Variants in POU2AF1 observed in about 807,000 individuals in gnomAD.
POU2AF1 encodes POU domain class 2-associating factor 1.
Under a neutral mutation model 26.3 loss-of-function variants are expected in POU2AF1, and 12 were observed. That is an observed-to-expected ratio of 0.46 (90% CI 0.29 to 0.74). POU2AF1 has a LOEUF of 0.74. POU2AF1 is among the 30% of genes least tolerant of loss of function. The pLI is 0.09. For missense variants in POU2AF1, 297 were observed against 334.5 expected, an observed-to-expected ratio of 0.89 and a Z score of 0.87; for synonymous variants, 175 against 148.0, an observed-to-expected ratio of 1.18 and a Z score of -1.32.
At chr11:111,358,074 G>C (rs1368126865) in intron 2 of POU2AF1, among the ~76,000 whole-genome samples, 2 of 152,000 alleles carry the variant, frequency 1.3e-5, no homozygotes, top group Non-Finnish European at 2.9e-5. Flanking sequence ...TTCTCAGGGG[G>C]GGCCCCCAAC....
intron 1 of POU2AF1, chr11:111,359,169 C>T (rs1243339243): frequency 3.3e-6 from 2 of 610,334 alleles, no homozygotes; most frequent in Middle Eastern, 4.5e-4. Flanking sequence ...AGAATGAGAT[C>T]CGAACCCATT....
intron 2 of POU2AF1, among the ~76,000 whole-genome samples, chr11:111,358,068 CA>C (rs753190042): frequency 6.6e-5 from 10 of 152,170 alleles, no homozygotes; most frequent in South Asian, 2.1e-4. Context: ...TTCTTCTTCT[CA>C]GGGGGGGCCC....
intron 1 of POU2AF1, among the ~76,000 whole-genome samples, chr11:111,362,748 G>A (rs1276424868): frequency 6.7e-6 from 1 of 149,852 alleles, no homozygotes; most frequent in Admixed American, 6.7e-5. Context: ...AGAGAAATTT[G>A]GGAAATGGGG....
chr11:111,375,961 A>G (rs1861303306), intron 1 of POU2AF1, among the ~76,000 whole-genome samples: 1 of 152,242 alleles, frequency 6.6e-6, no homozygotes, highest in South Asian at 2.1e-4. Flanking sequence ...TAGTTTGCAG[A>G]CCACTATTTT....
chr11:111,367,765 C>T (rs981180121), intron 1 of POU2AF1, among the ~76,000 whole-genome samples: 6 of 152,212 alleles, frequency 3.9e-5, no homozygotes, highest in Admixed American at 2.0e-4. Context: ...GATCTGTCCA[C>T]GAGAACCTTG....
chr11:111,356,517 C>G (rs769828766), intron 4 of POU2AF1, among the ~76,000 whole-genome samples: 1 of 152,238 alleles, frequency 6.6e-6, no homozygotes, highest in Admixed American at 6.5e-5. Flanking sequence ...AGGCCCAGCT[C>G]TACTTCCCAC....
At chr11:111,367,171 T>C (rs1861121754) in intron 1 of POU2AF1, among the ~76,000 whole-genome samples, 1 of 152,084 alleles carries the variant, frequency 6.6e-6, no homozygotes, top group South Asian at 2.1e-4. Flanking sequence ...CTCCGCACCT[T>C]CCACACCACA....
At chr11:111,372,063 C>CAGAGAGAG (rs1403903602) in intron 1 of POU2AF1, among the ~76,000 whole-genome samples, 4 of 144,750 alleles carry the variant, frequency 2.8e-5, no homozygotes, top group African/African-American at 1.1e-4. Flanking sequence ...CACACACACA[C>CAGAGAGAG]ACACACAGAG....
chr11:111,375,466 G>A (rs1171355193), intron 1 of POU2AF1, among the ~76,000 whole-genome samples: 1 of 122,304 alleles, frequency 8.2e-6, no homozygotes, highest in Non-Finnish European at 1.6e-5. Flanking sequence ...GCACGATCTC[G>A]GCTCACTGTA....
chr11:111,354,340 G>T lies in POU2AF1; in HGVS notation c.692C>A (p.Thr231Asn). The change falls in exon 5 of 5, where the codon ACC (threonine) becomes AAC (asparagine). Residue 231 changes from threonine to asparagine, a missense_variant. Physicochemically the swap from Thr to Asn is moderately conservative, Grantham distance 65. Coordinates refer to ENST00000393067, the MANE Select transcript of POU2AF1 (RefSeq NM_006235.3). ...EDPRRAASSL[T>N]IDKLLLEEED... The stretch of plus-strand genomic sequence containing the variant: ...TTCCTCCAAAAGCAGCTTGTCGATG[G>T]TCAACGAGCTGGCGGCTCTTCTGGG... 6.2e-7 allele frequency: 1 copy of T among 1,614,236 alleles called. No individual in the cohort carries two copies.
At chr11:111,358,442 TCA>T (rs767955256) in intron 2 of POU2AF1, among the ~76,000 whole-genome samples, 1,707 of 46,876 alleles carry the variant, frequency 0.036, 34 homozygotes, top group Non-Finnish European at 0.053. Flanking sequence ...ACACTCACTC[TCA>T]CACACACACA....
rs1860877997 is a variant in POU2AF1, at chr11:111,357,727, A to T, written c.191-17T>A. 3.7e-6 allele frequency: 6 copies of T among 1,611,988 alleles called. No homozygotes were observed. The Admixed American group carries it at 8.4e-5, about 23-fold the overall frequency. The stretch of plus-strand genomic sequence containing the variant: ...AGGAAGGACCTGTGGGAAGAAGGAA[A>T]TTACAGAACTTCAGATGCCACCCAG... On this transcript the variant is annotated splice_polypyrimidine_tract_variant and intron_variant, in intron 3 of 4. Transcript: ENST00000393067.
intron 1 of POU2AF1, chr11:111,363,566 C>T (rs1861051041): frequency 1.3e-6 from 1 of 784,006 alleles, no homozygotes; most frequent in Admixed American, 6.1e-5. Flanking sequence ...TCACGGTTGC[C>T]TCACCTTGGG....
chr11:111,361,736 G>T (rs1861013309), intron 1 of POU2AF1, among the ~76,000 whole-genome samples: 1 of 152,124 alleles, frequency 6.6e-6, no homozygotes, highest in African/African-American at 2.4e-5. Flanking sequence ...TCCATTTACA[G>T]CTGTCTCATC....
intron 1 of POU2AF1, chr11:111,363,732 A>G (rs1861053949): frequency 1.3e-6 from 1 of 763,990 alleles, no homozygotes; most frequent in Non-Finnish European, 1.6e-6. Context: ...GAGAAGATAG[A>G]AGCCCAATTT....
rs985759462 is a variant in POU2AF1 at position 111,352,340 on chromosome 11, T to A, written c.*1921A>T. 2.2e-5 allele frequency: 4 copies of A among 182,828 alleles called. No individual in the cohort carries two copies. The highest frequency in any genetic ancestry group is 4.7e-5 in the Non-Finnish European group (4 of 85,878). 11.3% of individuals were successfully genotyped at this position (182,828 alleles called of 1,614,324 possible). A position where few individuals can be genotyped will look rare whatever the true frequency, so the allele number is the denominator to read the frequency against. On this transcript the variant is annotated 3_prime_UTR_variant, in exon 5 of 5. Transcript: ENST00000393067. ...CCAGAAAAGTCATTTCCCAGAAAAG[T>A]CCATGACTTCTACATGGATTCTACC...
intron 2 of POU2AF1, among the ~76,000 whole-genome samples, chr11:111,358,228 C>T (rs115441253): frequency 1.8e-4 from 27 of 151,878 alleles, no homozygotes; most frequent in African/African-American, 6.5e-4. Context: ...GGGACCTGCG[C>T]TCCTTCCTGC....
At chr11:111,359,148 G>A in intron 1 of POU2AF1, 1 of 685,250 alleles carries the variant, frequency 1.5e-6, no homozygotes. Flanking sequence ...TCCTAGAATT[G>A]GACAGTCTTC....
chr11:111,358,756 ACACT>A (rs770774275), intron 2 of POU2AF1, 28 bp downstream of exon 2: 123 of 1,548,822 alleles, frequency 7.9e-5, no homozygotes, highest in African/African-American at 2.9e-4. Flanking sequence ...TCACACACAC[ACACT>A]CACACTCTCA....
Sources: gnomAD v4.1 joint callset for allele counts (sites outside exome capture counted in the v4.1 genomes callset) on GRCh38, gnomAD v4.1.1 for gene constraint, MANE v1.5 for transcripts, NCBI Gene and HGNC (gene_info 2026-07-23, HGNC 2026-07-21) for gene names.